LRRTM4: variants seen among roughly 807,000 people sequenced by gnomAD.
The protein encoded by LRRTM4 is leucine-rich repeat transmembrane neuronal protein 4.
A neutral mutation model predicts 47.6 loss-of-function variants in LRRTM4; 25 were observed. The observed-to-expected ratio is 0.53, with a 90% CI of 0.38 to 0.73. LRRTM4 has a LOEUF of 0.73. LRRTM4 is among the 30% of genes least tolerant of loss of function. The pLI is 0.00. For synonymous variants in LRRTM4, 311 were observed against 269.5 expected (o/e 1.15, Z -1.51); for missense variants, 638 against 713.4 (o/e 0.89, Z 1.20).
At chr2:76,871,826 G>A (rs1421372452) in intron 3 of LRRTM4, among the ~76,000 whole-genome samples, 2 of 152,216 alleles carry the variant, frequency 1.3e-5, no homozygotes, top group Non-Finnish European at 2.9e-5. Context: ...CACATGGCAA[G>A]GAACTGAAGA....
intron 3 of LRRTM4, among the ~76,000 whole-genome samples, chr2:77,357,343 C>T (rs1485441754): frequency 6.6e-6 from 1 of 152,050 alleles, no homozygotes; most frequent in Non-Finnish European, 1.5e-5. Flanking sequence ...TTCTATTTCC[C>T]ACAATGCATT....
chr2:76,972,610 G>A (rs566431556), intron 3 of LRRTM4, among the ~76,000 whole-genome samples: 1 of 151,774 alleles, frequency 6.6e-6, no homozygotes, highest in South Asian at 2.1e-4. Context: ...AGTAGAGATG[G>A]TTTTCACCAT....
chr2:76,972,334 A>G (rs988222398), intron 3 of LRRTM4, among the ~76,000 whole-genome samples: 6 of 151,898 alleles, frequency 4.0e-5, no homozygotes, highest in African/African-American at 1.4e-4. Flanking sequence ...AAGCTCCTTA[A>G]TAAAAGTACT....
chr2:76,769,977 C>A (rs1344096317), intron 3 of LRRTM4, among the ~76,000 whole-genome samples: 1 of 152,150 alleles, frequency 6.6e-6, no homozygotes, highest in African/African-American at 2.4e-5. Context: ...CAGACCTACT[C>A]GATCAAACCT....
At chr2:77,217,301 A>T (rs1442819638) in intron 3 of LRRTM4, among the ~76,000 whole-genome samples, 3 of 148,686 alleles carry the variant, frequency 2.0e-5, no homozygotes, top group African/African-American at 7.5e-5. Context: ...AGAGATATTA[A>T]CATTTAATAA....
chr2:77,454,366 C>T (rs572632822), intron 3 of LRRTM4, among the ~76,000 whole-genome samples: 10 of 152,276 alleles, frequency 6.6e-5, no homozygotes, highest in African/African-American at 1.9e-4. Flanking sequence ...AAAGCTGTGA[C>T]GGCCACACCT....
chr2:76,760,948 T>C (rs760145284), intron 3 of LRRTM4, among the ~76,000 whole-genome samples: 18 of 152,202 alleles, frequency 1.2e-4, no homozygotes, highest in African/African-American at 3.1e-4. Context: ...GGCTGCAACT[T>C]TGACAAATCT....
At chr2:76,837,709 G>T (rs1671555505) in intron 3 of LRRTM4, among the ~76,000 whole-genome samples, 1 of 152,036 alleles carries the variant, frequency 6.6e-6, no homozygotes, top group African/African-American at 2.4e-5. Flanking sequence ...ATGATAGACT[G>T]GATTAAGAAA....
In LRRTM4 at chr2:76,844,517, A is replaced by G. The variant is rs993083946; in HGVS notation, c.1552-95601T>C. Among the ~76,000 whole-genome samples the G allele has an allele frequency of 5.9e-5, 9 of 152,114 alleles. No homozygotes were observed. The South Asian group carries it at 6.2e-4, about 11-fold the overall frequency. On this transcript the variant is annotated intron_variant, in intron 3 of 3. Coordinates refer to ENST00000409884, the MANE Select transcript of LRRTM4 (RefSeq NM_001134745.3). ...ACTGAGTCATCTTTTCTGTTTTTCA[A>G]TTTCCATATCTGTATCAGCAAAAGT...
intron 3 of LRRTM4, among the ~76,000 whole-genome samples, chr2:77,324,748 G>A (rs994102423): frequency 4.6e-5 from 7 of 152,146 alleles, no homozygotes; most frequent in Admixed American, 3.3e-4. Context: ...CTTAAGTAAG[G>A]CCATGGTATG....
At chr2:76,865,853 A>T (rs989028109) in intron 3 of LRRTM4, among the ~76,000 whole-genome samples, 7 of 152,210 alleles carry the variant, frequency 4.6e-5, no homozygotes, top group African/African-American at 7.2e-5. Flanking sequence ...TGCATGTTTC[A>T]AGTGAGAAAC....
chr2:77,085,437 A>G (rs545836728), intron 3 of LRRTM4, among the ~76,000 whole-genome samples: 47 of 149,856 alleles, frequency 3.1e-4, no homozygotes, highest in Middle Eastern at 7.1e-3. Flanking sequence ...ATCTGATGCT[A>G]TCTCTTTCTA....
chr2:77,171,784 T>A (rs565703899), intron 3 of LRRTM4, among the ~76,000 whole-genome samples: 9 of 152,250 alleles, frequency 5.9e-5, no homozygotes, highest in Non-Finnish European at 1.3e-4. Flanking sequence ...TAAATATTTT[T>A]ATAAAAGAAA....
At chr2:76,821,141 A>AC (rs1196207738) in intron 3 of LRRTM4, among the ~76,000 whole-genome samples, 8 of 151,738 alleles carry the variant, frequency 5.3e-5, no homozygotes, top group Non-Finnish European at 1.0e-4. Flanking sequence ...TGACCAGGTT[A>AC]AGAAAAAAAG....
At chr2:77,197,747 C>T (rs1019317027) in intron 3 of LRRTM4, among the ~76,000 whole-genome samples, 1 of 152,034 alleles carries the variant, frequency 6.6e-6, no homozygotes, top group Non-Finnish European at 1.5e-5. Flanking sequence ...TATCTTATGC[C>T]GTACCCTACT....
At chr2:77,233,459 G>T (rs1447161868) in intron 3 of LRRTM4, among the ~76,000 whole-genome samples, 5 of 150,938 alleles carry the variant, frequency 3.3e-5, no homozygotes, top group African/African-American at 4.9e-5. Context: ...TAAATTCTGG[G>T]GTATCTTGGA....
At chr2:76,958,942 G>C (rs1675765609) in intron 3 of LRRTM4, among the ~76,000 whole-genome samples, 1 of 146,000 alleles carries the variant, frequency 6.8e-6, no homozygotes, top group African/African-American at 2.5e-5. Flanking sequence ...CTTGTGTAGA[G>C]CTTGTGTAAA....
At chr2:77,099,507 C>T (rs1426723074) in intron 3 of LRRTM4, among the ~76,000 whole-genome samples, 15 of 151,874 alleles carry the variant, frequency 9.9e-5, no homozygotes. Context: ...CTTAAGCAAA[C>T]TCCAGAAAAT....
intron 3 of LRRTM4, among the ~76,000 whole-genome samples, chr2:77,227,962 T>C (rs918912007): frequency 6.6e-6 from 1 of 152,050 alleles, no homozygotes; most frequent in Non-Finnish European, 1.5e-5. Flanking sequence ...ATTTAAAAAG[T>C]TATTGATTTG....
Sources: allele counts gnomAD v4.1 joint callset (sites outside exome capture counted in the v4.1 genomes callset), GRCh38; gene constraint gnomAD v4.1.1; transcripts MANE v1.5; gene names NCBI Gene and HGNC (gene_info 2026-07-23, HGNC 2026-07-21).